CNBD1: variants seen among roughly 807,000 people sequenced by gnomAD.
CNBD1 encodes cyclic nucleotide-binding domain-containing protein 1.
Under a neutral mutation model 54.4 loss-of-function variants are expected in CNBD1, and 71 were observed. The observed-to-expected ratio is 1.30, with a 90% confidence interval of 1.08 to 1.59. The LOEUF is 1.59. Ranked by LOEUF, CNBD1 falls within the 40% of genes most tolerant of loss-of-function variation. CNBD1 has a pLI of 0.00. For synonymous variants in CNBD1, 182 were observed against 170.7 expected, an observed-to-expected ratio of 1.07 and a Z score of -0.51; for missense variants, 659 against 518.0, an observed-to-expected ratio of 1.27 and a Z score of -2.64.
rs534518510 is a variant in CNBD1 at position 86,949,909 on chromosome 8, GTTTT to G, written c.431+10158_431+10161del. ...TCCTTTTATACCCAGTTTTTTGAGGGTTTTTTATTATGAAGAGATGTTATACTTC... is the reference window on the plus strand; with the variant it reads ...TCCTTTTATACCCAGTTTTTTGAGGGTTATTATGAAGAGATGTTATACTTC... On this transcript the variant is annotated intron_variant, in intron 4 of 10. Coordinates refer to ENST00000518476, the MANE Select transcript of CNBD1 (RefSeq NM_173538.3). 3.6e-4 allele frequency among the ~76,000 whole-genome samples: 46 copies of G among 128,320 alleles called. 1 individual carries two copies. Among genetic ancestry groups the G allele is most frequent in the African/African-American group, 1.3e-3 (43 of 33,948 alleles). 84.2% of individuals were successfully genotyped at this position (128,320 alleles called of 152,430 possible).
intron 10 of CNBD1, among the ~76,000 whole-genome samples, chr8:87,377,210 G>A (rs555802657): frequency 6.6e-6 from 1 of 150,876 alleles, no homozygotes; most frequent in African/African-American, 2.4e-5. Flanking sequence ...GTGCAGGTTA[G>A]TTACATATGT....
At chr8:87,277,983 A>G (rs562892509) in intron 6 of CNBD1, among the ~76,000 whole-genome samples, 1 of 151,838 alleles carries the variant, frequency 6.6e-6, no homozygotes, top group East Asian at 1.9e-4. Flanking sequence ...GAAAGAAACT[A>G]GAATTGTGAA....
intron 8 of CNBD1, among the ~76,000 whole-genome samples, chr8:87,293,522 GA>G (rs1808822737): frequency 6.6e-6 from 1 of 152,146 alleles, no homozygotes; most frequent in Non-Finnish European, 1.5e-5. Flanking sequence ...CAGCCTGGGT[GA>G]CAGAGCAAGA....
chr8:87,159,410 C>A (rs943287353), intron 4 of CNBD1, among the ~76,000 whole-genome samples: 2 of 151,938 alleles, frequency 1.3e-5, no homozygotes, highest in Admixed American at 1.3e-4. Context: ...AAAATTAAAA[C>A]AATAAAGTTA....
rs1482829270 is a variant in CNBD1 at position 87,166,201 on chromosome 8, G to T, written c.432-39792G>T. On this transcript the variant is annotated intron_variant, in intron 4 of 10. Coordinates refer to ENST00000518476, the MANE Select transcript of CNBD1 (RefSeq NM_173538.3). The surrounding 1 kb of genome is among the most constrained non-coding windows in gnomAD (Gnocchi z 4.3). Reference sequence around the variant, plus strand: ...CTAGGAATTATCCAGATGAGTAAGTGACAAACCTAAGCATCATACTTGATG... The same window carrying T: ...CTAGGAATTATCCAGATGAGTAAGTTACAAACCTAAGCATCATACTTGATG... 6.6e-6 allele frequency among the ~76,000 whole-genome samples: 1 copy of T among 151,830 alleles called. No homozygotes were observed. Among genetic ancestry groups the T allele is most frequent in the Non-Finnish European group, 1.5e-5 (1 of 67,896 alleles).
intron 4 of CNBD1, among the ~76,000 whole-genome samples, chr8:87,030,845 CCT>C: frequency 7.2e-5 from 8 of 110,380 alleles, no homozygotes; most frequent in African/African-American, 2.7e-4. Flanking sequence ...TCCCCCCTCC[CCT>C]CTCCTCCCTC....
Position 87,282,658 on chromosome 8 carries a change from T to A in CNBD1, c.772-2020T>A, listed in dbSNP as rs574922312. On this transcript the variant is annotated intron_variant, in intron 6 of 10. Transcript: ENST00000518476. ...AGTTTTATAATTTCCTAATTATTAA[T>A]ATTAGGGAGTCTGATGATATTTTTT... Among the ~76,000 whole-genome samples, 7 of 152,118 alleles carry A rather than the reference T, an allele frequency of 4.6e-5. No individual in the cohort carries two copies. In the East Asian group the frequency reaches 1.2e-3, roughly 25 times the overall value.
intron 3 of CNBD1, 22 bp from the exon 4 acceptor site, chr8:86,939,574 A>T (rs1809612901): frequency 2.6e-6 from 4 of 1,542,340 alleles, no homozygotes; most frequent in Non-Finnish European, 3.5e-6. Flanking sequence ...AACAGCATAA[A>T]ATACTATATT....
rs185637900 is a variant in CNBD1 at position 86,987,159 on chromosome 8, C to T, written c.431+47405C>T. On this transcript the variant is annotated intron_variant, in intron 4 of 10. Coordinates refer to ENST00000518476, the MANE Select transcript of CNBD1 (RefSeq NM_173538.3). Reference sequence around the variant, plus strand: ...AATCCATGAACATGGAATGTTTTTCCATTTATTTGTCTCATCTCTGATTTC... The same window carrying T: ...AATCCATGAACATGGAATGTTTTTCTATTTATTTGTCTCATCTCTGATTTC... 3.9e-4 allele frequency among the ~76,000 whole-genome samples: 59 copies of T among 151,986 alleles called. No homozygotes were observed. In the East Asian group the frequency reaches 0.011, roughly 28 times the overall value.
At chr8:87,403,908 C>A (rs887614738) in intron 2 of CNBD1, among the ~76,000 whole-genome samples, 1 of 151,984 alleles carries the variant, frequency 6.6e-6, no homozygotes, top group Non-Finnish European at 1.5e-5. Context: ...CCACTCTCCC[C>A]CATGATGTGA....
intron 10 of CNBD1, among the ~76,000 whole-genome samples, chr8:87,361,883 G>T (rs1359975536): frequency 6.6e-6 from 1 of 151,794 alleles, no homozygotes; most frequent in East Asian, 1.9e-4. Context: ...TCTTGAAAAA[G>T]AACTTTCTTT....
chr8:86,993,686 A>G (rs1386964976), intron 4 of CNBD1, among the ~76,000 whole-genome samples: 3 of 152,102 alleles, frequency 2.0e-5, no homozygotes, highest in African/African-American at 7.2e-5. Context: ...TTGTGGCTGG[A>G]TTCTAGCCTT....
chr8:87,058,172 T>C (rs1028949282), intron 4 of CNBD1, among the ~76,000 whole-genome samples: 3 of 152,184 alleles, frequency 2.0e-5, no homozygotes, highest in African/African-American at 7.2e-5. Flanking sequence ...ATGATCTCCT[T>C]TGACTCCACG....
chr8:87,186,712 T>C (rs1172377567), intron 4 of CNBD1, among the ~76,000 whole-genome samples: 4 of 152,020 alleles, frequency 2.6e-5, no homozygotes, highest in African/African-American at 9.7e-5. Context: ...TTTTAACTTA[T>C]TTATTTAAAT....
chr8:87,361,373 A>G (rs1312939610), intron 10 of CNBD1, among the ~76,000 whole-genome samples: 2 of 151,836 alleles, frequency 1.3e-5, no homozygotes, highest in African/African-American at 2.4e-5. Context: ...AAATCAGTAG[A>G]AGGAGATTAA....
rs189340370 is a variant in CNBD1 at position 86,961,376 on chromosome 8, A to T, written c.431+21622A>T. ...TGGGGCCAAACAGCACCAAAGGAGA[A>T]CATCACAAGTTAAAACAGGCCCCCT... On this transcript the variant is annotated intron_variant, in intron 4 of 10. Coordinates refer to ENST00000518476, the MANE Select transcript of CNBD1 (RefSeq NM_173538.3). Among the ~76,000 whole-genome samples the T allele has an allele frequency of 3.1e-3, 467 of 152,320 alleles. 4 individuals are homozygous for T. The highest frequency in any genetic ancestry group is 0.01 in the African/African-American group (429 of 41,572).
intron 5 of CNBD1, among the ~76,000 whole-genome samples, chr8:87,216,928 A>G (rs1814224368): frequency 6.6e-6 from 1 of 152,170 alleles, no homozygotes; most frequent in Admixed American, 6.5e-5. Flanking sequence ...TATAGAAATC[A>G]GTGCCATTGC....
At chr8:87,226,606 T>A (rs556209302) in intron 5 of CNBD1, among the ~76,000 whole-genome samples, 3 of 149,588 alleles carry the variant, frequency 2.0e-5, no homozygotes, top group Non-Finnish European at 4.4e-5. Flanking sequence ...GTCTGAGAGA[T>A]AGTTTGTTGT....
At chr8:86,915,755 G>T (rs1300513099) in intron 3 of CNBD1, among the ~76,000 whole-genome samples, 1 of 152,202 alleles carries the variant, frequency 6.6e-6, no homozygotes, top group Non-Finnish European at 1.5e-5. Flanking sequence ...GAGTGCATTA[G>T]AGTGAATGTG....
Sources: gnomAD v4.1 joint callset for allele counts (sites outside exome capture counted in the v4.1 genomes callset) on GRCh38, gnomAD v4.1.1 for gene constraint, Gnocchi (gnomAD v3.1) non-coding constraint, MANE v1.5 for transcripts, NCBI Gene and HGNC (gene_info 2026-07-23, HGNC 2026-07-21) for gene names.